The following GLIS3 variants were observed in gnomAD, a reference collection of about 807,000 sequenced individuals.
GLIS3 encodes zinc finger protein GLIS3.
GLIS3 carries 53 observed loss-of-function variants against 78.6 expected under a neutral mutation model. The observed-to-expected ratio is 0.67, with a 90% CI of 0.54 to 0.85. The LOEUF (loss-of-function observed/expected upper bound fraction) is 0.85, where lower values mean the gene tolerates loss of function less well. Ranked by LOEUF, GLIS3 falls within the 40% of genes least tolerant of loss-of-function variation. The pLI, the probability that GLIS3 is intolerant of heterozygous loss-of-function variation, is 0.00. For missense variants in GLIS3, 1,703 were observed against 1,231.1 expected, an observed-to-expected ratio of 1.38 and a Z score of -5.74; for synonymous variants, 684 against 509.9, an observed-to-expected ratio of 1.34 and a Z score of -4.60.
At chr9:4,132,182 A>G (rs1833029202) in intron 2 of GLIS3, among the ~76,000 whole-genome samples, 1 of 152,068 alleles carries the variant, frequency 6.6e-6, no homozygotes, top group South Asian at 2.1e-4. Context: ...AACACTGCTT[A>G]TTTTTAGAGA....
intron 2 of GLIS3, among the ~76,000 whole-genome samples, chr9:4,151,518 A>C (rs1025166764): frequency 1.3e-5 from 2 of 152,218 alleles, no homozygotes; most frequent in Admixed American, 6.5e-5. Context: ...GGAACTTGAC[A>C]GCATAATTTT....
At chr9:3,893,688 A>G (rs1822609952) in intron 7 of GLIS3, among the ~76,000 whole-genome samples, 1 of 152,196 alleles carries the variant, frequency 6.6e-6, no homozygotes, top group African/African-American at 2.4e-5. Flanking sequence ...AGGCTGAAAA[A>G]CATTTGACCA....
intron 8 of GLIS3, among the ~76,000 whole-genome samples, chr9:3,862,283 G>T (rs1043676882): frequency 2.0e-5 from 3 of 152,182 alleles, no homozygotes; most frequent in Admixed American, 6.5e-5. Flanking sequence ...GAGGGCATCT[G>T]AAATGTTCAT....
chr9:4,150,030 G>A (rs1014793291), intron 2 of GLIS3, among the ~76,000 whole-genome samples: 1 of 147,152 alleles, frequency 6.8e-6, no homozygotes, highest in Non-Finnish European at 1.5e-5. Context: ...ACGTGCGGGT[G>A]CACGCATGCA....
At chr9:4,360,628 A>G in the GLIS3 span, among the ~76,000 whole-genome samples, 1 of 152,236 alleles carries the variant, frequency 6.6e-6, no homozygotes, top group African/African-American at 2.4e-5. Context: ...GATGAGAGAT[A>G]TCCAGTCCTT....
intron 9 of GLIS3, 46 bp from the exon 10 acceptor site, chr9:3,829,538 G>C (rs758901841): frequency 6.2e-7 from 1 of 1,601,506 alleles, no homozygotes; most frequent in Non-Finnish European, 8.6e-7. Flanking sequence ...TTGGGCACAA[G>C]TTCCACAGAT....
At chr9:4,119,005 G>A (rs1032120625) in intron 3 of GLIS3, 124 bp from the exon 4 acceptor site, 1 of 1,013,256 alleles carries the variant, frequency 9.9e-7, no homozygotes, top group South Asian at 1.5e-5. Context: ...ATTACATTCT[G>A]TGCTAAACAC....
intron 4 of GLIS3, among the ~76,000 whole-genome samples, chr9:4,098,139 C>T (rs1001465849): frequency 2.6e-5 from 4 of 152,134 alleles, no homozygotes; most frequent in Admixed American, 6.5e-5. Flanking sequence ...AAAACAAATT[C>T]CCATCTCTCA....
rs2130650725 is a variant in GLIS3, at chr9:3,906,106, G to T, written c.1984-7271C>A. Among the ~76,000 whole-genome samples, 2 of 152,358 alleles carry T rather than the reference G, an allele frequency of 1.3e-5. 1 individual carries two copies. Among genetic ancestry groups the T allele is most frequent in the East Asian group, 3.9e-4 (2 of 5,186 alleles). Reference sequence around the variant, plus strand: ...TGAGCAAGGGAGCAAGAGGAAGGGTGCAGGATGCAGGGCTGGACAAATTGC... The same window carrying T: ...TGAGCAAGGGAGCAAGAGGAAGGGTTCAGGATGCAGGGCTGGACAAATTGC... On this transcript the variant is annotated intron_variant, in intron 6 of 10. Coordinates refer to ENST00000381971, the MANE Select transcript of GLIS3 (RefSeq NM_001042413.2).
the GLIS3 span, among the ~76,000 whole-genome samples, chr9:4,468,464 G>C: frequency 7.5e-4 from 114 of 152,368 alleles, no homozygotes; most frequent in African/African-American, 2.4e-3. Context: ...AGCCAGAAGA[G>C]AGTGGGGGCC....
intron 2 of GLIS3, among the ~76,000 whole-genome samples, chr9:4,319,556 T>C (rs1415638973): frequency 6.6e-6 from 1 of 151,946 alleles, no homozygotes; most frequent in Non-Finnish European, 1.5e-5. Flanking sequence ...TAGAAACAGG[T>C]TCTTCCTCTG....
intron 2 of GLIS3, among the ~76,000 whole-genome samples, chr9:4,255,377 T>G (rs913009399): frequency 6.6e-6 from 1 of 152,018 alleles, no homozygotes. Context: ...CCCAAAGGAG[T>G]TGAAAACTTA....
chr9:4,393,873 C>A, the GLIS3 span, among the ~76,000 whole-genome samples: 1 of 152,132 alleles, frequency 6.6e-6, no homozygotes, highest in Non-Finnish European at 1.5e-5. Flanking sequence ...CTGTTTTAAT[C>A]TGATTCTCTT....
the GLIS3 span, among the ~76,000 whole-genome samples, chr9:4,367,515 T>C: frequency 6.6e-6 from 1 of 151,616 alleles, no homozygotes; most frequent in East Asian, 1.9e-4. Context: ...GCTTATTTAA[T>C]GCTTATCTTC....
intron 4 of GLIS3, among the ~76,000 whole-genome samples, chr9:4,066,476 C>T (rs1433970771): frequency 1.3e-5 from 2 of 152,158 alleles, no homozygotes; most frequent in Non-Finnish European, 2.9e-5. Context: ...AGAGGAGAAG[C>T]TCCCTGCCAC....
chr9:4,093,480 A>G (rs1034063084), intron 4 of GLIS3, among the ~76,000 whole-genome samples: 4 of 152,268 alleles, frequency 2.6e-5, no homozygotes, highest in African/African-American at 7.2e-5. Flanking sequence ...CCAAAGCCTG[A>G]ACAGAAGGGT....
intron 7 of GLIS3, among the ~76,000 whole-genome samples, chr9:3,890,975 G>A (rs1378152740): frequency 6.7e-6 from 1 of 149,776 alleles, no homozygotes; most frequent in African/African-American, 2.5e-5. Context: ...AATACAAAAT[G>A]TAAAGAAACA....
rs554730964 is a variant in GLIS3, at chr9:3,977,206, A to G, written c.1711-40017T>C. Among the ~76,000 whole-genome samples, 1 of 152,278 alleles carries G rather than the reference A, an allele frequency of 6.6e-6. No individual in the cohort carries two copies. Among genetic ancestry groups the G allele is most frequent in the East Asian group, 1.9e-4 (1 of 5,184 alleles). ...GCCGGGAGAAATATTGTCAGTTCAG[A>G]TGACAAAAGACCTTGCTAGGCCACC... is the stretch of plus-strand genomic sequence containing the variant. On this transcript the variant is annotated intron_variant, in intron 4 of 10. Transcript: ENST00000381971. This position sits in a 1 kb window ranked among gnomAD's most constrained non-coding sequence, Gnocchi z 4.1.
At chr9:4,193,503 T>C (rs1031106262) in intron 2 of GLIS3, among the ~76,000 whole-genome samples, 1 of 152,230 alleles carries the variant, frequency 6.6e-6, no homozygotes, top group Non-Finnish European at 1.5e-5. Context: ...ATCAGTAAGA[T>C]GGCTTCTGTA....
Sources: allele counts gnomAD v4.1 joint callset (sites outside exome capture counted in the v4.1 genomes callset), GRCh38; gene constraint gnomAD v4.1.1; non-coding constraint Gnocchi (gnomAD v3.1); transcripts MANE v1.5; gene names NCBI Gene and HGNC (gene_info 2026-07-23, HGNC 2026-07-21).